CNTN5: variants seen among roughly 807,000 people sequenced by gnomAD.
CNTN5 encodes contactin 5, also known as contactin-5.
CNTN5 carries 77 observed loss-of-function variants against 129.1 expected under a neutral mutation model. That is an observed-to-expected ratio of 0.60 (90% CI 0.50 to 0.72). The LOEUF (loss-of-function observed/expected upper bound fraction) is 0.72. Ranked by LOEUF, CNTN5 falls within the 30% of genes least tolerant of loss-of-function variation. CNTN5 has a pLI of 0.00. For missense variants in CNTN5, 1,478 were observed against 1,328.8 expected, an observed-to-expected ratio of 1.11 and a Z score of -1.75; for synonymous variants, 509 against 465.6, an observed-to-expected ratio of 1.09 and a Z score of -1.20.
intron 3 of CNTN5, among the ~76,000 whole-genome samples, chr11:99,815,731 C>G (rs957452385): frequency 6.6e-6 from 1 of 152,104 alleles, no homozygotes; most frequent in Non-Finnish European, 1.5e-5. Flanking sequence ...CACACCTAAT[C>G]CACTTGAATT....
chr11:100,341,018 G>C (rs1028317642), intron 22 of CNTN5, 75 bp from the exon 23 acceptor site: 4 of 1,085,060 alleles, frequency 3.7e-6, no homozygotes, highest in Non-Finnish European at 5.6e-6. Flanking sequence ...AAAAGATTGA[G>C]ATACTCACAA....
chr11:99,367,967 T>A (rs1332847456), intron 2 of CNTN5, among the ~76,000 whole-genome samples: 1 of 152,190 alleles, frequency 6.6e-6, no homozygotes. Flanking sequence ...TCCTGAAATT[T>A]AATTTTCTGA....
intron 3 of CNTN5, among the ~76,000 whole-genome samples, chr11:99,559,481 T>G (rs995707042): frequency 6.6e-6 from 1 of 151,954 alleles, no homozygotes; most frequent in South Asian, 2.1e-4. Context: ...AATCCACAAT[T>G]AAAACAACAA....
At chr11:100,156,561 A>C (rs2138336446) in intron 13 of CNTN5, among the ~76,000 whole-genome samples, 1 of 152,232 alleles carries the variant, frequency 6.6e-6, no homozygotes, top group African/African-American at 2.4e-5. Flanking sequence ...TGTTTGGAAT[A>C]GTTTCAGAAG....
chr11:100,168,506 T>C (rs1947719227), intron 13 of CNTN5, among the ~76,000 whole-genome samples: 1 of 151,956 alleles, frequency 6.6e-6, no homozygotes. Flanking sequence ...AAAGACTGGA[T>C]AACACAACAT....
chr11:100,161,606 C>T (rs947997543), intron 13 of CNTN5, among the ~76,000 whole-genome samples: 6 of 151,654 alleles, frequency 4.0e-5, no homozygotes, highest in Non-Finnish European at 5.9e-5. Flanking sequence ...AGGAAGAAGT[C>T]CATGAAGTGG....
intron 3 of CNTN5, among the ~76,000 whole-genome samples, chr11:99,657,316 A>G (rs1048080239): frequency 6.6e-6 from 1 of 152,168 alleles, no homozygotes; most frequent in African/African-American, 2.4e-5. Context: ...CAACAAATGT[A>G]TAAAATAAAT....
chr11:100,168,429 C>A (rs1947714699), intron 13 of CNTN5, among the ~76,000 whole-genome samples: 1 of 151,940 alleles, frequency 6.6e-6, no homozygotes, highest in Non-Finnish European at 1.5e-5. Context: ...TTTAATACTC[C>A]AAAAATTGTA....
rs539420237 is a variant in CNTN5 at position 99,232,638 on chromosome 11, C to T, written c.-209-92708C>T. Among the ~76,000 whole-genome samples the T allele has an allele frequency of 4.6e-5, 7 of 152,226 alleles. No homozygotes were observed. The South Asian group carries it at 1.2e-3, about 27-fold the overall frequency. ...CTTCCTGTCTTCCTATTCGAATGCC[C>T]TTTATTTCTTTCTCTTGCCTGATTG... On this transcript the variant is annotated intron_variant, in intron 1 of 24. Coordinates refer to ENST00000524871, the MANE Select transcript of CNTN5 (RefSeq NM_014361.4).
chr11:100,301,746 C>A (rs2138898669), intron 20 of CNTN5, among the ~76,000 whole-genome samples: 1 of 151,700 alleles, frequency 6.6e-6, no homozygotes, highest in Admixed American at 6.6e-5. Flanking sequence ...CTAACTAGAC[C>A]ATCTTGGGCA....
intron 16 of CNTN5, among the ~76,000 whole-genome samples, chr11:100,237,591 G>C (rs1355580162): frequency 6.6e-6 from 1 of 152,050 alleles, no homozygotes; most frequent in Non-Finnish European, 1.5e-5. Context: ...CCTTAATTTG[G>C]AATTACAAAG....
intron 3 of CNTN5, among the ~76,000 whole-genome samples, chr11:99,772,071 A>ATT (rs5794020): frequency 6.7e-6 from 1 of 148,590 alleles, no homozygotes; most frequent in Non-Finnish European, 1.5e-5. Context: ...CTTCTGAGGT[A>ATT]TTTTTTTTTT....
At chr11:99,740,154 A>T (rs1943843687) in intron 3 of CNTN5, among the ~76,000 whole-genome samples, 1 of 152,168 alleles carries the variant, frequency 6.6e-6, no homozygotes, top group Non-Finnish European at 1.5e-5. Context: ...AATAACCAAA[A>T]GAAAATAGTT....
chr11:99,312,871 AG>A (rs1235601451), intron 1 of CNTN5, among the ~76,000 whole-genome samples: 1 of 151,728 alleles, frequency 6.6e-6, no homozygotes, highest in African/African-American at 2.4e-5. Context: ...TTGGAAGCCT[AG>A]GGATGTAATT....
At position 99,057,449 on chromosome 11, in the gene CNTN5, AG is replaced by A. The variant is rs748421709; in HGVS notation, c.-210+36181del. ...TTCTAAGTGTGTTTTTAACAACACTAGGACAATGTTGCCAGATGGAAAAGAA... is the reference window on the plus strand; with the variant it reads ...TTCTAAGTGTGTTTTTAACAACACTAGACAATGTTGCCAGATGGAAAAGAA... On this transcript the variant is annotated intron_variant, in intron 1 of 24. Coordinates refer to ENST00000524871, the MANE Select transcript of CNTN5 (RefSeq NM_014361.4). Among the ~76,000 whole-genome samples the A allele has an allele frequency of 6.8e-4, 103 of 151,976 alleles. 1 individual carries two copies. The highest frequency in any genetic ancestry group is 1.1e-3 in the Non-Finnish European group (74 of 67,800).
chr11:99,886,969 A>G (rs1346386211), intron 6 of CNTN5, among the ~76,000 whole-genome samples: 1 of 152,166 alleles, frequency 6.6e-6, no homozygotes, highest in African/African-American at 2.4e-5. Context: ...AAAAGATAGG[A>G]AGAAACGAGA....
At chr11:99,260,109 A>G (rs1862560815) in intron 1 of CNTN5, among the ~76,000 whole-genome samples, 5 of 151,892 alleles carry the variant, frequency 3.3e-5, no homozygotes, top group Admixed American at 2.6e-4. Context: ...AAAGTTTTAA[A>G]TCTGTATGTA....
chr11:99,353,282 A>G (rs1242394824), intron 2 of CNTN5, among the ~76,000 whole-genome samples: 1 of 152,210 alleles, frequency 6.6e-6, no homozygotes. Flanking sequence ...TTTCTCATTC[A>G]AACTGATGTA....
chr11:100,095,820 C>T (rs909966409), intron 13 of CNTN5, among the ~76,000 whole-genome samples: 12 of 152,080 alleles, frequency 7.9e-5, no homozygotes, highest in East Asian at 5.8e-4. Context: ...CGTGTGCCTT[C>T]GGTGATTTAT....
Sources: gnomAD v4.1 joint callset for allele counts (sites outside exome capture counted in the v4.1 genomes callset) on GRCh38, gnomAD v4.1.1 for gene constraint, MANE v1.5 for transcripts, NCBI Gene and HGNC (gene_info 2026-07-23, HGNC 2026-07-21) for gene names.